The following ERBB4 variants were observed in gnomAD, a reference collection of about 807,000 sequenced individuals.
The protein encoded by ERBB4 is receptor tyrosine-protein kinase erbB-4.
A neutral mutation model predicts 158.0 loss-of-function variants in ERBB4; 42 were observed. The observed-to-expected ratio is 0.27, with a 90% CI of 0.21 to 0.34. The LOEUF (loss-of-function observed/expected upper bound fraction) is 0.34, where lower values mean the gene tolerates loss of function less well. ERBB4 is among the 10% of genes least tolerant of loss of function. The pLI is 1.00. For missense variants in ERBB4, 1,333 were observed against 1,624.1 expected (o/e 0.82, Z 3.08); for synonymous variants, 583 against 558.7 (o/e 1.04, Z -0.61).
At chr2:212,434,782 G>A (rs867697935) in intron 1 of ERBB4, among the ~76,000 whole-genome samples, 4 of 152,028 alleles carry the variant, frequency 2.6e-5, no homozygotes, top group African/African-American at 9.6e-5. Flanking sequence ...CTTCTATTAC[G>A]TAGATCATTC....
chr2:211,387,311 A>G (rs2062707418), intron 26 of ERBB4, among the ~76,000 whole-genome samples, 161 bp from the exon 27 acceptor site: 1 of 152,246 alleles, frequency 6.6e-6, no homozygotes, highest in African/African-American at 2.4e-5. Context: ...ACAAACTATA[A>G]ACACCTAAAA....
chr2:212,302,325 T>C (rs945668079), intron 1 of ERBB4, among the ~76,000 whole-genome samples: 1 of 151,482 alleles, frequency 6.6e-6, no homozygotes, highest in Non-Finnish European at 1.5e-5. Context: ...ATATATTTAA[T>C]ACAAATGTTT....
chr2:211,658,886 T>C (rs2071317182), intron 15 of ERBB4, among the ~76,000 whole-genome samples: 1 of 152,166 alleles, frequency 6.6e-6, no homozygotes. Context: ...TCTTCCAATA[T>C]ACTCGAACTC....
At chr2:212,117,572 A>G (rs1279276075) in intron 2 of ERBB4, among the ~76,000 whole-genome samples, 1 of 152,180 alleles carries the variant, frequency 6.6e-6, no homozygotes, top group African/African-American at 2.4e-5. Flanking sequence ...CCACTTCATT[A>G]TCTTACAAAG....
Position 211,699,108 on chromosome 2 carries a change from T to G in ERBB4, c.1489+2859A>C, listed in dbSNP as rs75338407. Among the ~76,000 whole-genome samples, 29 of 152,328 alleles carry G rather than the reference T, an allele frequency of 1.9e-4. No homozygotes were observed. In the East Asian group the frequency reaches 5.0e-3, roughly 26 times the overall value. On this transcript the variant is annotated intron_variant, in intron 12 of 27. Transcript: ENST00000342788. ...TACAAATGAAGGATTGCCTTTTCATTAAGTTCATAAGCCAACTCCTAGATT... is the reference window on the plus strand; with the variant it reads ...TACAAATGAAGGATTGCCTTTTCATGAAGTTCATAAGCCAACTCCTAGATT...
chr2:212,103,008 C>T (rs141061514), intron 2 of ERBB4, among the ~76,000 whole-genome samples: 43 of 152,214 alleles, frequency 2.8e-4, no homozygotes, highest in South Asian at 1.0e-3. Context: ...CCATTTTCCA[C>T]GCAGCAATGT....
At chr2:212,265,594 A>T (rs977949245) in intron 1 of ERBB4, among the ~76,000 whole-genome samples, 2 of 151,970 alleles carry the variant, frequency 1.3e-5, no homozygotes, top group African/African-American at 4.8e-5. Flanking sequence ...CTGCCCAAAG[A>T]TGACACTGTC....
chr2:212,147,489 G>A (rs2080721264), intron 1 of ERBB4, among the ~76,000 whole-genome samples: 1 of 151,976 alleles, frequency 6.6e-6, no homozygotes, highest in South Asian at 2.1e-4. Context: ...GTAGCACTCA[G>A]AATGAGACAT....
At chr2:212,309,188 A>G (rs2086926372) in intron 1 of ERBB4, among the ~76,000 whole-genome samples, 1 of 150,952 alleles carries the variant, frequency 6.6e-6, no homozygotes, top group African/African-American at 2.4e-5. Context: ...TGATAAGTTA[A>G]CACCCTCTGA....
intron 1 of ERBB4, among the ~76,000 whole-genome samples, chr2:212,357,429 T>C (rs140445150): frequency 5.3e-5 from 8 of 151,990 alleles, no homozygotes; most frequent in African/African-American, 1.4e-4. Flanking sequence ...ATAAGCGGTG[T>C]ACAAAGTTAT....
At chr2:211,772,834 T>TATATATATACACACAC (rs1219416032) in intron 4 of ERBB4, among the ~76,000 whole-genome samples, 1 of 10,346 alleles carries the variant, frequency 9.7e-5, no homozygotes, top group African/African-American at 3.8e-4. Flanking sequence ...TATATATATA[T>TATATATATACACACAC]ACACATATAT....
chr2:211,900,473 A>G (rs1233518758), intron 3 of ERBB4, among the ~76,000 whole-genome samples: 1 of 152,076 alleles, frequency 6.6e-6, no homozygotes, highest in East Asian at 1.9e-4. Flanking sequence ...TTAAAAGTAC[A>G]AACCTAGAAA....
intron 1 of ERBB4, among the ~76,000 whole-genome samples, chr2:212,142,499 G>A (rs1450645521): frequency 6.6e-6 from 1 of 150,876 alleles, no homozygotes; most frequent in Non-Finnish European, 1.5e-5. Context: ...AGATCATTAA[G>A]TCCAGATTAT....
intron 2 of ERBB4, among the ~76,000 whole-genome samples, chr2:212,007,005 T>G (rs1318994335): frequency 6.6e-6 from 1 of 152,036 alleles, no homozygotes; most frequent in Admixed American, 6.6e-5. Context: ...AATGAATGGC[T>G]GCAGATTTGC....
At chr2:211,435,962 T>C (rs1251692209) in intron 20 of ERBB4, among the ~76,000 whole-genome samples, 2 of 92,276 alleles carry the variant, frequency 2.2e-5, no homozygotes, top group Admixed American at 2.1e-4. Flanking sequence ...TTGTTTTCTT[T>C]GTTTTTTTTT....
chr2:211,416,813 CTTTTTTTT>C (rs60021795), intron 25 of ERBB4, among the ~76,000 whole-genome samples: 2 of 142,138 alleles, frequency 1.4e-5, no homozygotes, highest in African/African-American at 2.6e-5. Flanking sequence ...GAAGCCTTCC[CTTTTTTTT>C]TTTTTTTTTA....
intron 3 of ERBB4, among the ~76,000 whole-genome samples, chr2:211,792,102 G>A (rs1321937144): frequency 6.6e-6 from 1 of 151,708 alleles, no homozygotes; most frequent in Non-Finnish European, 1.5e-5. Context: ...TGGAAAAAAA[G>A]TACCATGGAA....
At chr2:212,059,354 T>C (rs1279402762) in intron 2 of ERBB4, among the ~76,000 whole-genome samples, 1 of 152,132 alleles carries the variant, frequency 6.6e-6, no homozygotes, top group Non-Finnish European at 1.5e-5. Flanking sequence ...ATTATGAAAA[T>C]GGCCATATTG....
intron 9 of ERBB4, among the ~76,000 whole-genome samples, chr2:211,708,034 T>C (rs1304707534): frequency 2.0e-5 from 3 of 152,138 alleles, no homozygotes; most frequent in Admixed American, 1.3e-4. Context: ...TTTAATTCAC[T>C]GTAAGTTTTC....
Sources: gnomAD v4.1 joint callset for allele counts (sites outside exome capture counted in the v4.1 genomes callset) on GRCh38, gnomAD v4.1.1 for gene constraint, MANE v1.5 for transcripts, NCBI Gene and HGNC (gene_info 2026-07-23, HGNC 2026-07-21) for gene names.